PPP6R2: variants seen among roughly 807,000 people sequenced by gnomAD.
PPP6R2 encodes the protein serine/threonine-protein phosphatase 6 regulatory subunit 2.
A neutral mutation model predicts 100.2 loss-of-function variants in PPP6R2; 62 were observed. The ratio of observed to expected loss-of-function variants is 0.62; its 90% CI spans 0.50 to 0.76. The LOEUF is 0.76. Ranked by LOEUF, PPP6R2 falls within the 30% of genes least tolerant of loss-of-function variation. PPP6R2 has a pLI of 0.00. For synonymous variants in PPP6R2, 525 were observed against 514.7 expected (o/e 1.02, Z -0.27); for missense variants, 1,142 against 1,276.3 (o/e 0.89, Z 1.60).
At position 50,388,006 on chromosome 22, in the gene PPP6R2, A is replaced by G. The variant is rs541548074; in HGVS notation, c.-16-5887A>G. 2.0e-5 allele frequency among the ~76,000 whole-genome samples: 3 copies of G among 152,238 alleles called. No homozygotes were observed. The South Asian group carries it at 6.2e-4, about 32-fold the overall frequency. On this transcript the variant is annotated intron_variant, in intron 2 of 23. Transcript: ENST00000612753. ...CTAGGACTTTGATCATAAATCTTTA[A>G]AAGAACAAAACAGTGGCTGGGCGCC... is the stretch of plus-strand genomic sequence containing the variant.
chr22:50,396,795 G>C (rs1003822800), intron 3 of PPP6R2, among the ~76,000 whole-genome samples: 9 of 152,324 alleles, frequency 5.9e-5, no homozygotes, highest in Admixed American at 2.0e-4. Context: ...TCTTAGGTAA[G>C]GGGAGCAGTG....
upstream of PPP6R2, among the ~76,000 whole-genome samples, chr22:50,340,319 T>C (rs2042358176): frequency 1.6e-5 from 2 of 128,800 alleles, no homozygotes; most frequent in Admixed American, 1.6e-4. Context: ...CTCGGGTGTG[T>C]GTGGTGTGTG....
At chr22:50,395,502 G>A (rs1029392962) in intron 3 of PPP6R2, among the ~76,000 whole-genome samples, 4 of 152,152 alleles carry the variant, frequency 2.6e-5, no homozygotes, top group African/African-American at 9.7e-5. Context: ...AGCAAACCTC[G>A]GCCTGCAGGT....
chr22:50,339,878 GGTGTGT>G (rs1198906084), upstream of PPP6R2, among the ~76,000 whole-genome samples: 1 of 109,330 alleles, frequency 9.1e-6, no homozygotes, highest in African/African-American at 3.4e-5. Context: ...TGTGTGGTGT[GGTGTGT>G]GTGTGGGGTG....
At chr22:50,399,693 C>T (rs2057708904) in intron 3 of PPP6R2, among the ~76,000 whole-genome samples, 1 of 152,270 alleles carries the variant, frequency 6.6e-6, no homozygotes, top group Non-Finnish European at 1.5e-5. Flanking sequence ...GGGGCTGCTC[C>T]AGGGAGGTGA....
rs2061559136 is a variant in PPP6R2, at chr22:50,423,152, G to A, written c.973-310G>A. On this transcript the variant is annotated intron_variant, in intron 9 of 23. Transcript: ENST00000612753. The surrounding 1 kb of genome is among the most constrained non-coding windows in gnomAD (Gnocchi z 4.8). The stretch of plus-strand genomic sequence containing the variant: ...GTGCCAAGGGCTCTGGCCTTAGACC[G>A]GTACTGCTGGCCCCATCTTGGACAT... Among the ~76,000 whole-genome samples the A allele has an allele frequency of 6.6e-6, 1 of 152,142 alleles. No individual in the cohort carries two copies.
intron 3 of PPP6R2, among the ~76,000 whole-genome samples, chr22:50,403,934 C>A (rs969996565): frequency 6.6e-6 from 1 of 152,152 alleles, no homozygotes; most frequent in Non-Finnish European, 1.5e-5. Context: ...TCCAGCCGGT[C>A]GCGTGGACCA....
rs537967365 is a variant in PPP6R2 at position 50,414,816 on chromosome 22, G to A, written c.552+127G>A. 62 of 1,092,924 alleles carry A rather than the reference G, an allele frequency of 5.7e-5. No homozygotes were observed. In the South Asian group the frequency reaches 6.5e-4, roughly 11 times the overall value. 67.7% of individuals were successfully genotyped at this position (1,092,924 alleles called of 1,614,324 possible). A position where few individuals can be genotyped will look rare whatever the true frequency, so the allele number is the denominator to read the frequency against. ...CTCTCCACCTAGCGTGCATTTCTCC[G>A]TGGGGCTGTTAGGGGTTCTTGTCAA... On this transcript the variant is annotated intron_variant, in intron 5 of 23. Coordinates refer to ENST00000612753, the MANE Select transcript of PPP6R2 (RefSeq NM_001242898.2).
chr22:50,406,923 A>G (rs2059032511), intron 4 of PPP6R2, 48 bp downstream of exon 4: 1 of 1,551,974 alleles, frequency 6.4e-7, no homozygotes, highest in African/African-American at 1.4e-5. Flanking sequence ...GTCATGGTGG[A>G]TGCTGACGTG....
intron 4 of PPP6R2, among the ~76,000 whole-genome samples, chr22:50,411,405 G>T (rs1161791236): frequency 2.0e-5 from 3 of 151,988 alleles, no homozygotes; most frequent in Non-Finnish European, 4.4e-5. Flanking sequence ...AGTGAGCCAA[G>T]ATTGGGCCAC....
intron 1 of PPP6R2, among the ~76,000 whole-genome samples, chr22:50,365,915 AT>A (rs1758073060): frequency 6.6e-6 from 1 of 151,692 alleles, no homozygotes; most frequent in Admixed American, 6.6e-5. Flanking sequence ...CATCTGTGTC[AT>A]TTCTGGGTTG....
chr22:50,424,118 A>G (rs991344664), intron 10 of PPP6R2, among the ~76,000 whole-genome samples: 2 of 152,196 alleles, frequency 1.3e-5, no homozygotes, highest in African/African-American at 4.8e-5. Context: ...GCTGGCAAGT[A>G]GTGCCAGTGA....
intron 3 of PPP6R2, among the ~76,000 whole-genome samples, chr22:50,405,853 T>G (rs1216919345): frequency 2.8e-5 from 2 of 71,040 alleles, no homozygotes; most frequent in South Asian, 4.9e-4. Context: ...TGGAGGGAGG[T>G]GAGAGGCCTG....
intron 10 of PPP6R2, among the ~76,000 whole-genome samples, chr22:50,426,865 C>T (rs2062227568): frequency 6.7e-6 from 1 of 150,072 alleles, no homozygotes; most frequent in Non-Finnish European, 1.5e-5. Flanking sequence ...CGTCCTTTCC[C>T]CCATGAATGG....
At chr22:50,385,119 C>A (rs1043238217) in intron 2 of PPP6R2, among the ~76,000 whole-genome samples, 4 of 152,152 alleles carry the variant, frequency 2.6e-5, no homozygotes, top group African/African-American at 9.7e-5. Flanking sequence ...TTAATCCATT[C>A]TTGAGGGCAG....
rs555313901 is a variant in PPP6R2 at position 50,383,682 on chromosome 22, G to A, written c.-16-10211G>A. On this transcript the variant is annotated intron_variant, in intron 2 of 23. Transcript: ENST00000612753. ...GTGCTTAAGACAAGCAGCCATATGG[G>A]GCTGTTATCTTTCTGCCACTGGGAA... 9.2e-5 allele frequency among the ~76,000 whole-genome samples: 14 copies of A among 152,158 alleles called. No individual in the cohort carries two copies. The East Asian group carries it at 1.3e-3, about 15-fold the overall frequency.
intron 10 of PPP6R2, among the ~76,000 whole-genome samples, chr22:50,425,693 A>G (rs896399927): frequency 4.0e-5 from 6 of 151,736 alleles, no homozygotes; most frequent in Admixed American, 6.6e-5. Flanking sequence ...GATGCTCGTC[A>G]TCTGATGTGC....
At chr22:50,437,681 G>A in intron 16 of PPP6R2, 78 bp downstream of exon 16, 1 of 1,434,338 alleles carries the variant, frequency 7.0e-7, no homozygotes, top group Non-Finnish European at 9.8e-7. Context: ...AGCTCCCTGA[G>A]GTCTTGCCGG....
At chr22:50,428,859 G>C (rs149170853) in intron 10 of PPP6R2, among the ~76,000 whole-genome samples, 4 of 152,056 alleles carry the variant, frequency 2.6e-5, no homozygotes, top group Non-Finnish European at 5.9e-5. Context: ...AGAGAAGACC[G>C]AATAGCAGTG....
Sources: gnomAD v4.1 joint callset for allele counts (sites outside exome capture counted in the v4.1 genomes callset) on GRCh38, gnomAD v4.1.1 for gene constraint, Gnocchi (gnomAD v3.1) non-coding constraint, MANE v1.5 for transcripts, NCBI Gene and HGNC (gene_info 2026-07-23, HGNC 2026-07-21) for gene names.